The following CAPN14 variants were observed in gnomAD, a reference collection of about 807,000 sequenced individuals.
CAPN14 encodes the protein calpain 14, also known as calpain-14.
A neutral mutation model predicts 101.3 loss-of-function variants in CAPN14; 94 were observed. The observed-to-expected ratio is 0.93, with a 90% CI of 0.79 to 1.10. The LOEUF is 1.10. Ranked by LOEUF, CAPN14 falls within the 50% of genes least tolerant of loss-of-function variation. The pLI is 0.00. For synonymous variants in CAPN14, 338 were observed against 317.9 expected, an observed-to-expected ratio of 1.06 and a Z score of -0.67; for missense variants, 837 against 828.4, an observed-to-expected ratio of 1.01 and a Z score of -0.13.
At chr2:31,198,806 C>G (rs1681598176) in intron 7 of CAPN14, among the ~76,000 whole-genome samples, 1 of 152,150 alleles carries the variant, frequency 6.6e-6, no homozygotes, top group African/African-American at 2.4e-5. Flanking sequence ...GCTCCCTCCA[C>G]CAGAATGCCC....
chr2:31,194,766 G>T (rs1681381844), intron 8 of CAPN14, among the ~76,000 whole-genome samples: 1 of 152,124 alleles, frequency 6.6e-6, no homozygotes, highest in African/African-American at 2.4e-5. Context: ...TAGGTCATTT[G>T]CTTGAAGTCA....
At chr2:31,184,900 A>T (rs1057007367) in intron 16 of CAPN14, among the ~76,000 whole-genome samples, 18 of 152,230 alleles carry the variant, frequency 1.2e-4, no homozygotes, top group Admixed American at 3.9e-4. Context: ...CTAGAGGTCA[A>T]CTAAATTAAC....
intron 1 of CAPN14, among the ~76,000 whole-genome samples, chr2:31,213,184 C>G (rs1682482646): frequency 6.6e-6 from 1 of 152,140 alleles, no homozygotes; most frequent in African/African-American, 2.4e-5. Flanking sequence ...CCACCTCTTC[C>G]CCATGTGCCC....
chr2:31,192,931 C>G (rs534399292), intron 10 of CAPN14, among the ~76,000 whole-genome samples, 200 bp downstream of exon 10: 24 of 152,190 alleles, frequency 1.6e-4, no homozygotes, highest in Admixed American at 6.5e-5. Context: ...TGAGAGGACT[C>G]TGCCTTGGTG....
chr2:31,223,379 C>T (rs185277494), intron 2 of CAPN14, among the ~76,000 whole-genome samples: 1 of 152,172 alleles, frequency 6.6e-6, no homozygotes, highest in Admixed American at 6.5e-5. Flanking sequence ...TCACACAGCA[C>T]AGTTTAGGGT....
At chr2:31,210,215 G>C (rs1298484553) in intron 1 of CAPN14, among the ~76,000 whole-genome samples, 1 of 152,128 alleles carries the variant, frequency 6.6e-6, no homozygotes, top group African/African-American at 2.4e-5. Context: ...AGGCTGAGGA[G>C]GGCGGATCAC....
chr2:31,202,730 C>G (rs1681859015), intron 3 of CAPN14, among the ~76,000 whole-genome samples: 1 of 152,030 alleles, frequency 6.6e-6, no homozygotes, highest in South Asian at 2.1e-4. Context: ...CCTATTCTGG[C>G]GAGGCTAATG....
At chr2:31,188,781 G>C (rs578183346) in intron 13 of CAPN14, among the ~76,000 whole-genome samples, 22 of 152,318 alleles carry the variant, frequency 1.4e-4, no homozygotes, top group African/African-American at 5.1e-4. Context: ...TACAGTAGTA[G>C]AATGGAAGCC....
At chr2:31,211,673 A>ACGTG in intron 1 of CAPN14, among the ~76,000 whole-genome samples, 1 of 102,392 alleles carries the variant, frequency 9.8e-6, no homozygotes. Flanking sequence ...GTGCATGTGC[A>ACGTG]CACACACACA....
rs781112777 is a variant in CAPN14, at chr2:31,230,150, A to G, written c.-176-3499T>C. ...ACCCAGGTGTTAAGTCTAGTAACCA[A>G]TAGTTCTTGCTTTTTGTTCCTCTCC... On this transcript the variant is annotated intron_variant and NMD_transcript_variant, in intron 1 of 21. Transcript: ENST00000398824. The surrounding 1 kb of genome is among the most constrained non-coding windows in gnomAD (Gnocchi z 4.3). 2.0e-5 allele frequency among the ~76,000 whole-genome samples: 3 copies of G among 152,160 alleles called. No homozygotes were observed. Among genetic ancestry groups the G allele is most frequent in the Middle Eastern group, 3.2e-3 (1 of 316 alleles).
chr2:31,233,224 C>T (rs1683247557), intron 1 of CAPN14, among the ~76,000 whole-genome samples: 1 of 152,170 alleles, frequency 6.6e-6, no homozygotes, highest in Non-Finnish European at 1.5e-5. Flanking sequence ...CCATCTCTGG[C>T]AAAGCCTTTC....
chr2:31,176,659 G>A lies in CAPN14; in HGVS notation c.1973-17C>T, dbSNP rs1250903194. ...GGAAGACATCTGTGAAAATGCAGCAGAAAGGAATACAGCTAATGTGTCTAT... is the reference window on the plus strand; with the variant it reads ...GGAAGACATCTGTGAAAATGCAGCAAAAAGGAATACAGCTAATGTGTCTAT... On this transcript the variant is annotated splice_polypyrimidine_tract_variant and intron_variant, in intron 20 of 21. Coordinates refer to ENST00000403897, the MANE Select transcript of CAPN14 (RefSeq NM_001145122.2). 1 of 1,547,260 alleles carries A rather than the reference G, an allele frequency of 6.5e-7. No homozygotes were observed. Among genetic ancestry groups the A allele is most frequent in the Admixed American group, 2.0e-5 (1 of 51,002 alleles).
chr2:31,218,911 G>A (rs904264326), upstream of CAPN14, among the ~76,000 whole-genome samples: 2 of 152,152 alleles, frequency 1.3e-5, no homozygotes, highest in Non-Finnish European at 2.9e-5. Flanking sequence ...TTCCTCGCAT[G>A]GGTCTGAAGG....
intron 1 of CAPN14, among the ~76,000 whole-genome samples, chr2:31,214,755 T>C (rs1444201609): frequency 1.3e-5 from 2 of 152,172 alleles, no homozygotes; most frequent in African/African-American, 2.4e-5. Flanking sequence ...GTGTACACCT[T>C]GAGTTGCCAC....
chr2:31,174,398 C>T lies in CAPN14; in HGVS notation c.*283G>A, dbSNP rs2148668099. 3 of 557,396 alleles carry T rather than the reference C, an allele frequency of 5.4e-6. No individual in the cohort carries two copies. The highest frequency in any genetic ancestry group is 3.2e-5 in the Admixed American group (1 of 30,956). The allele number at this position is 557,396 out of a possible 1,614,324, so 34.5% of individuals were successfully genotyped here. On this transcript the variant is annotated 3_prime_UTR_variant, in exon 22 of 22. Transcript: ENST00000403897. ...CAGCTCTGGAGTCAGAATGCTTAGG[C>T]CATGTCAGGTAACATCTCCGCTTGT...
At chr2:31,187,450 A>C (rs57740838) in intron 15 of CAPN14, among the ~76,000 whole-genome samples, 49,093 of 147,906 alleles carry the variant, frequency 0.33, 9,583 homozygotes, top group African/African-American at 0.55. Context: ...CCCACTCCCA[A>C]CTCTGACATT....
intron 2 of CAPN14, among the ~76,000 whole-genome samples, chr2:31,225,725 T>C (rs1298707426): frequency 6.6e-6 from 1 of 152,148 alleles, no homozygotes; most frequent in Non-Finnish European, 1.5e-5. Context: ...TATTGGAATA[T>C]TTTTTCAGGA....
rs57033941 is a variant in CAPN14 at position 31,209,023 on chromosome 2, G to A, written c.-52-3524C>T. On this transcript the variant is annotated intron_variant, in intron 1 of 21. Transcript: ENST00000403897. ...CTCACTCTGTCACCCAAGCTGGAGT[G>A]CAAGGACACGATCACAGCTTACTAC... 1.2e-3 allele frequency among the ~76,000 whole-genome samples: 190 copies of A among 152,184 alleles called. 2 individuals are homozygous for A. In the East Asian group the frequency reaches 0.027, roughly 22 times the overall value.
At chr2:31,209,389 T>C (rs993703533) in intron 1 of CAPN14, among the ~76,000 whole-genome samples, 1 of 152,142 alleles carries the variant, frequency 6.6e-6, no homozygotes, top group Non-Finnish European at 1.5e-5. Flanking sequence ...AAGGGCGTTA[T>C]GATGGTGAGA....
Sources: gnomAD v4.1 joint callset for allele counts (sites outside exome capture counted in the v4.1 genomes callset) on GRCh38, gnomAD v4.1.1 for gene constraint, Gnocchi (gnomAD v3.1) non-coding constraint, MANE v1.5 for transcripts, NCBI Gene and HGNC (gene_info 2026-07-23, HGNC 2026-07-21) for gene names.